FRMD3: variants seen among roughly 807,000 people sequenced by gnomAD.
FRMD3 encodes FERM domain containing 3.
A neutral mutation model predicts 70.2 loss-of-function variants in FRMD3; 33 were observed. The ratio of observed to expected loss-of-function variants is 0.47; its 90% confidence interval spans 0.36 to 0.63. The LOEUF (loss-of-function observed/expected upper bound fraction) is 0.63, where lower values mean the gene tolerates loss of function less well. Among genes scored for constraint, FRMD3 ranks in the 20% least tolerant of loss-of-function variants. The pLI is 0.00. For missense variants in FRMD3, 632 were observed against 711.4 expected (o/e 0.89, Z 1.27); for synonymous variants, 279 against 255.9 (o/e 1.09, Z -0.86).
At chr9:83,427,827 T>A (rs1826854557) in intron 1 of FRMD3, among the ~76,000 whole-genome samples, 1 of 152,146 alleles carries the variant, frequency 6.6e-6, no homozygotes, top group South Asian at 2.1e-4. Context: ...GATCAGTAAT[T>A]GGGAAAACAA....
chr9:83,484,881 T>C (rs913112878), intron 1 of FRMD3, among the ~76,000 whole-genome samples: 1 of 152,232 alleles, frequency 6.6e-6, no homozygotes, highest in Non-Finnish European at 1.5e-5. Context: ...CTCCATCTTA[T>C]AGACATATCA....
intron 13 of FRMD3, among the ~76,000 whole-genome samples, chr9:83,272,387 C>T (rs1833595034): frequency 1.3e-5 from 2 of 151,976 alleles, no homozygotes; most frequent in South Asian, 4.2e-4. Context: ...GGATTGCAGA[C>T]GGAGTCTCGT....
chr9:83,463,772 C>G (rs1254070341), intron 1 of FRMD3, among the ~76,000 whole-genome samples: 2 of 152,218 alleles, frequency 1.3e-5, no homozygotes, highest in Non-Finnish European at 2.9e-5. Flanking sequence ...CAGCTCATCT[C>G]TGGTAGAATG....
chr9:83,484,359 G>A (rs372471538), intron 1 of FRMD3, among the ~76,000 whole-genome samples: 17 of 152,162 alleles, frequency 1.1e-4, no homozygotes, highest in East Asian at 9.6e-4. Flanking sequence ...GGCAAGAGCC[G>A]GGGAAGACAG....
At chr9:83,466,375 A>G (rs1232810341) in intron 1 of FRMD3, among the ~76,000 whole-genome samples, 1 of 152,188 alleles carries the variant, frequency 6.6e-6, no homozygotes, top group Non-Finnish European at 1.5e-5. Context: ...AGGGTGGGAA[A>G]ACTGTTTTGT....
At chr9:83,278,175 G>C (rs569975107) in intron 13 of FRMD3, among the ~76,000 whole-genome samples, 44 of 152,320 alleles carry the variant, frequency 2.9e-4, no homozygotes, top group African/African-American at 9.4e-4. Context: ...CCTCCTGGGT[G>C]GGGGAAACAG....
chr9:83,424,088 G>A (rs534669728), intron 1 of FRMD3, among the ~76,000 whole-genome samples: 18 of 152,172 alleles, frequency 1.2e-4, no homozygotes, highest in Non-Finnish European at 2.5e-4. Context: ...TTATGGAGTA[G>A]TCTGGGGAGG....
chr9:83,368,005 T>C lies in FRMD3; in HGVS notation c.295+4908A>G, dbSNP rs148908727. On this transcript the variant is annotated intron_variant, in intron 3 of 13. Coordinates refer to ENST00000304195, the MANE Select transcript of FRMD3 (RefSeq NM_174938.6). The stretch of plus-strand genomic sequence containing the variant: ...TTCTACTTCCATTGTGTTCTTCTAT[T>C]ATATATTGATAAACACAGCAACTTG... Among the ~76,000 whole-genome samples the C allele has an allele frequency of 2.6e-5, 4 of 152,338 alleles. No homozygotes were observed. In the East Asian group the frequency reaches 5.8e-4, roughly 22 times the overall value.
intron 1 of FRMD3, among the ~76,000 whole-genome samples, chr9:83,422,103 T>C (rs1826662590): frequency 6.6e-6 from 1 of 152,140 alleles, no homozygotes; most frequent in East Asian, 1.9e-4. Flanking sequence ...TGCATGCCTG[T>C]AATCCCAGCT....
chr9:83,405,464 T>G (rs1184046404), intron 1 of FRMD3, among the ~76,000 whole-genome samples: 1 of 151,842 alleles, frequency 6.6e-6, no homozygotes, highest in Admixed American at 6.6e-5. Context: ...GAGAGAAGGA[T>G]TGAAAGTATC....
chr9:83,309,757 T>C, intron 9 of FRMD3, 133 bp from the exon 10 acceptor site: 3 of 579,010 alleles, frequency 5.2e-6, no homozygotes, highest in South Asian at 2.6e-5. Flanking sequence ...ACTTAACATA[T>C]TGCTATGTTA....
At chr9:83,367,173 T>G (rs1169946733) in intron 3 of FRMD3, among the ~76,000 whole-genome samples, 2 of 152,198 alleles carry the variant, frequency 1.3e-5, no homozygotes, top group African/African-American at 4.8e-5. Context: ...GGCAATCTGT[T>G]ATCCGAGTAC....
the FRMD3 span, among the ~76,000 whole-genome samples, chr9:83,563,166 G>A: frequency 2.0e-5 from 3 of 152,136 alleles, no homozygotes; most frequent in Non-Finnish European, 4.4e-5. Flanking sequence ...CACCTTCCCA[G>A]TTCAGGGGCT....
intron 3 of FRMD3, among the ~76,000 whole-genome samples, chr9:83,360,933 T>A (rs1282162135): frequency 6.6e-6 from 1 of 152,226 alleles, no homozygotes; most frequent in Non-Finnish European, 1.5e-5. Flanking sequence ...CAAATTGCAT[T>A]AACTTTCTGG....
rs904132766 is a variant in FRMD3 at position 83,317,036 on chromosome 9, T to TA, written c.597-3290dup. Among the ~76,000 whole-genome samples, 11 of 152,130 alleles carry TA rather than the reference T, an allele frequency of 7.2e-5. No individual in the cohort carries two copies. In the South Asian group the frequency reaches 1.9e-3, roughly 26 times the overall value. ...CCTGGCAATGTAGCAAGGTCACTTC[T>TA]AAAAAAATTTTTTTTTAAATTAGCC... On this transcript the variant is annotated intron_variant, in intron 6 of 13. Coordinates refer to ENST00000304195, the MANE Select transcript of FRMD3 (RefSeq NM_174938.6).
chr9:83,478,653 T>C (rs1233707540), intron 1 of FRMD3, among the ~76,000 whole-genome samples: 1 of 152,126 alleles, frequency 6.6e-6, no homozygotes, highest in East Asian at 1.9e-4. Context: ...TCAGGGTATA[T>C]GCCCAAAAGA....
intron 3 of FRMD3, among the ~76,000 whole-genome samples, chr9:83,350,460 CAAAA>C (rs35261102): frequency 7.5e-6 from 1 of 132,848 alleles, no homozygotes; most frequent in Non-Finnish European, 1.6e-5. Flanking sequence ...ACTAAAAATA[CAAAA>C]AAAAAAAAAT....
intron 1 of FRMD3, among the ~76,000 whole-genome samples, chr9:83,428,253 C>T (rs181873523): frequency 2.6e-5 from 4 of 152,118 alleles, no homozygotes; most frequent in Non-Finnish European, 2.9e-5. Context: ...TGGTACACAC[C>T]TGTAATCCCA....
intron 12 of FRMD3, among the ~76,000 whole-genome samples, chr9:83,293,861 T>G (rs553124663): frequency 1.3e-5 from 2 of 152,296 alleles, no homozygotes; most frequent in African/African-American, 4.8e-5. Context: ...GAAGAACATT[T>G]CTTCCCTGAT....
Sources: allele counts gnomAD v4.1 joint callset (sites outside exome capture counted in the v4.1 genomes callset), GRCh38; gene constraint gnomAD v4.1.1; transcripts MANE v1.5; gene names NCBI Gene and HGNC (gene_info 2026-07-23, HGNC 2026-07-21).